Variants in LHFPL3 observed in about 807,000 individuals in gnomAD.
LHFPL3 encodes LHFPL tetraspan subfamily member 3.
LHFPL3 carries 5 observed loss-of-function variants against 19.3 expected under a neutral mutation model. The observed-to-expected ratio is 0.26, with a 90% CI of 0.14 to 0.54. The LOEUF (loss-of-function observed/expected upper bound fraction) is 0.54. LHFPL3 is among the 20% of genes least tolerant of loss of function. The probability of loss-of-function intolerance (pLI) is 0.94; values close to 1 mark genes in which losing one functional copy is unlikely to be tolerated. For synonymous variants in LHFPL3, 133 were observed against 126.2 expected (o/e 1.05, Z -0.36); for missense variants, 249 against 307.4 (o/e 0.81, Z 1.42).
chr7:104,779,699 C>T (rs1484649528), intron 2 of LHFPL3, among the ~76,000 whole-genome samples: 21 of 152,224 alleles, frequency 1.4e-4, no homozygotes, highest in Admixed American at 1.4e-3. Flanking sequence ...TGCTTTCTTC[C>T]TTTGTCCATG....
intron 1 of LHFPL3, among the ~76,000 whole-genome samples, chr7:104,396,675 G>A (rs10953434): frequency 0.38 from 57,910 of 150,656 alleles, 11,587 homozygotes; most frequent in Admixed American, 0.5. Context: ...AGTGTGCAGA[G>A]GGCAGGCGCA....
intron 1 of LHFPL3, among the ~76,000 whole-genome samples, chr7:104,600,408 A>T (rs181671768): frequency 6.6e-6 from 1 of 152,180 alleles, no homozygotes; most frequent in Non-Finnish European, 1.5e-5. Flanking sequence ...GCTAATCTCT[A>T]TGTCTGAAAG....
At chr7:104,498,380 T>C (rs1793529598) in intron 1 of LHFPL3, among the ~76,000 whole-genome samples, 1 of 152,208 alleles carries the variant, frequency 6.6e-6, no homozygotes, top group Admixed American at 6.5e-5. Context: ...TCATTCTAGA[T>C]ATCTTGTCTT....
intron 1 of LHFPL3, among the ~76,000 whole-genome samples, chr7:104,386,227 A>C (rs911416000): frequency 1.3e-5 from 2 of 152,210 alleles, no homozygotes; most frequent in Non-Finnish European, 2.9e-5. Context: ...TCCCATTCCC[A>C]GGGCATTGTC....
At chr7:104,812,886 G>T (rs1253132692) in intron 2 of LHFPL3, among the ~76,000 whole-genome samples, 1 of 149,096 alleles carries the variant, frequency 6.7e-6, no homozygotes, top group African/African-American at 2.5e-5. Context: ...GGCCGAGGTG[G>T]GCAGGTCACA....
chr7:104,458,292 A>G (rs983248423), intron 1 of LHFPL3, among the ~76,000 whole-genome samples: 7 of 152,172 alleles, frequency 4.6e-5, no homozygotes, highest in Non-Finnish European at 7.3e-5. Context: ...TAATTTTTGT[A>G]CAAGGTGTAA....
chr7:104,527,699 G>C (rs1318990083), intron 1 of LHFPL3, among the ~76,000 whole-genome samples: 1 of 152,106 alleles, frequency 6.6e-6, no homozygotes, highest in Non-Finnish European at 1.5e-5. Flanking sequence ...AGGAGGGGGA[G>C]GAAGCCCAGG....
At chr7:104,338,624 A>C (rs748590169) in intron 1 of LHFPL3, among the ~76,000 whole-genome samples, 8 of 152,214 alleles carry the variant, frequency 5.3e-5, no homozygotes, top group Non-Finnish European at 7.3e-5. Context: ...ATTAGAAGGT[A>C]GATTAGATAA....
intron 1 of LHFPL3, among the ~76,000 whole-genome samples, chr7:104,542,640 T>TA (rs1444949824): frequency 6.6e-6 from 1 of 152,178 alleles, no homozygotes; most frequent in Non-Finnish European, 1.5e-5. Context: ...GGATGTCTCT[T>TA]CTCAGACACA....
At chr7:104,873,325 T>C (rs1241901237) in intron 2 of LHFPL3, among the ~76,000 whole-genome samples, 1 of 152,114 alleles carries the variant, frequency 6.6e-6, no homozygotes, top group Non-Finnish European at 1.5e-5. Context: ...AAACATGTGG[T>C]TAGTAAGATT....
intron 2 of LHFPL3, 33 bp from the exon 3 acceptor site, chr7:104,906,154 C>G (rs755700951): frequency 3.1e-6 from 5 of 1,603,672 alleles, no homozygotes; most frequent in South Asian, 2.2e-5. Context: ...CTCCCCCCAC[C>G]CTTTTTCTCT....
At chr7:104,846,613 G>A (rs1791318282) in intron 2 of LHFPL3, among the ~76,000 whole-genome samples, 1 of 151,534 alleles carries the variant, frequency 6.6e-6, no homozygotes, top group Non-Finnish European at 1.5e-5. Context: ...GGCAGAGCCT[G>A]GATTAAAACT....
chr7:104,640,567 T>G (rs1410310104), intron 1 of LHFPL3, among the ~76,000 whole-genome samples: 2 of 152,188 alleles, frequency 1.3e-5, no homozygotes, highest in Non-Finnish European at 2.9e-5. Context: ...TTATAAATAG[T>G]GCTGCAGTAA....
chr7:104,757,604 C>T (rs558953804), intron 2 of LHFPL3: 2 of 152,204 alleles, frequency 1.3e-5, no homozygotes, highest in East Asian at 1.9e-4. Flanking sequence ...GAAAAAAATA[C>T]TTACCATCAC....
At chr7:104,764,914 C>G (rs1794430881) in intron 2 of LHFPL3, among the ~76,000 whole-genome samples, 1 of 152,194 alleles carries the variant, frequency 6.6e-6, no homozygotes. Flanking sequence ...ATGACTTGTT[C>G]AAGGTCTTAC....
At chr7:104,567,068 C>G (rs748210743) in intron 1 of LHFPL3, among the ~76,000 whole-genome samples, 118 of 152,254 alleles carry the variant, frequency 7.8e-4, no homozygotes, top group Non-Finnish European at 1.5e-3. Context: ...ATATATTTTC[C>G]ATAGCTTGAA....
At position 104,453,461 on chromosome 7, in the gene LHFPL3, G is replaced by A. The variant is rs1792480328; in HGVS notation, c.445+124237G>A. Among the ~76,000 whole-genome samples, 4 of 152,104 alleles carry A rather than the reference G, an allele frequency of 2.6e-5. No homozygotes were observed. The South Asian group carries it at 8.3e-4, about 31-fold the overall frequency. ...ATCTTTCTTAATTACATTTCAAAGGGAAGGTTTTCGAGTCCTTGAGAAAGA... is the reference window on the plus strand; with the variant it reads ...ATCTTTCTTAATTACATTTCAAAGGAAAGGTTTTCGAGTCCTTGAGAAAGA... On this transcript the variant is annotated intron_variant, in intron 1 of 2. Transcript: ENST00000424859.
intron 2 of LHFPL3, among the ~76,000 whole-genome samples, chr7:104,776,831 C>T (rs141035663): frequency 2.0e-5 from 3 of 152,170 alleles, no homozygotes; most frequent in Middle Eastern, 3.2e-3. Flanking sequence ...ACAAACTCTA[C>T]ATTGTAAAAA....
At position 104,824,700 on chromosome 7, in the gene LHFPL3, T is replaced by C. The variant is rs1244625496; in HGVS notation, c.683-81487T>C. Among the ~76,000 whole-genome samples, 126 of 100,982 alleles carry C rather than the reference T, an allele frequency of 1.2e-3. 1 individual carries two copies. The highest frequency in any genetic ancestry group is 4.9e-3 in the African/African-American group (122 of 24,878). 66.2% of individuals were successfully genotyped at this position (100,982 alleles called of 152,430 possible). On this transcript the variant is annotated intron_variant, in intron 2 of 2. Transcript: ENST00000424859. ...CATTATATATAATATATATTATATA[T>C]ATTATATATATAATTATATATATAT...
Sources: allele counts gnomAD v4.1 joint callset (sites outside exome capture counted in the v4.1 genomes callset), GRCh38; gene constraint gnomAD v4.1.1; transcripts MANE v1.5; gene names NCBI Gene and HGNC (gene_info 2026-07-23, HGNC 2026-07-21).